SLC41A2: variants seen among roughly 807,000 people sequenced by gnomAD.
SLC41A2 encodes SLC41A1-like 1.
A neutral mutation model predicts 58.3 loss-of-function variants in SLC41A2; 32 were observed. That is an observed-to-expected ratio of 0.55 (90% CI 0.41 to 0.74). SLC41A2 has a LOEUF of 0.74. Ranked by LOEUF, SLC41A2 falls within the 30% of genes least tolerant of loss-of-function variation. SLC41A2 has a pLI of 0.00. For missense variants in SLC41A2, 514 were observed against 680.6 expected, an observed-to-expected ratio of 0.76 and a Z score of 2.72; for synonymous variants, 190 against 235.0, an observed-to-expected ratio of 0.81 and a Z score of 1.75.
At chr12:104,957,519 C>T (rs2048212882) in intron 1 of SLC41A2, among the ~76,000 whole-genome samples, 1 of 152,062 alleles carries the variant, frequency 6.6e-6, no homozygotes, top group Admixed American at 6.6e-5. Context: ...TGATGTATAT[C>T]TCAATTTAAA....
chr12:104,940,337 TA>T (rs1335810245), intron 1 of SLC41A2, among the ~76,000 whole-genome samples: 1 of 77,422 alleles, frequency 1.3e-5, no homozygotes, highest in South Asian at 3.4e-4. Flanking sequence ...TTATTTTTTT[TA>T]AAAAGGCTCA....
intron 1 of SLC41A2, among the ~76,000 whole-genome samples, chr12:104,937,741 G>C (rs1184875900): frequency 1.3e-5 from 2 of 152,142 alleles, no homozygotes; most frequent in East Asian, 3.8e-4. Flanking sequence ...AGAAATGCAG[G>C]ACCTCAGTCA....
rs150399937 is a variant in SLC41A2 at position 104,876,394 on chromosome 12, G to A, written c.1028-9815C>T. On this transcript the variant is annotated intron_variant, in intron 6 of 10. Coordinates refer to ENST00000258538, the MANE Select transcript of SLC41A2 (RefSeq NM_001352171.3). ...TTCTTTCTAAATGCAGGTGTTTATCGCTATAAACTTCCCTCTTAGAACTGC... is the reference window on the plus strand; with the variant it reads ...TTCTTTCTAAATGCAGGTGTTTATCACTATAAACTTCCCTCTTAGAACTGC... Among the ~76,000 whole-genome samples the A allele has an allele frequency of 3.2e-4, 49 of 151,938 alleles. No homozygotes were observed. The East Asian group carries it at 8.1e-3, about 25-fold the overall frequency.
chr12:104,895,143 A>G, intron 4 of SLC41A2, 131 bp downstream of exon 4: 2 of 595,262 alleles, frequency 3.4e-6, no homozygotes, highest in Non-Finnish European at 5.9e-6. Context: ...TCAAGGTACT[A>G]AATTATTGTT....
chr12:104,929,769 TG>T (rs2046985118), intron 1 of SLC41A2, among the ~76,000 whole-genome samples: 1 of 152,232 alleles, frequency 6.6e-6, no homozygotes, highest in African/African-American at 2.4e-5. Context: ...AAGGGATGGG[TG>T]GCCCCAAAAC....
rs1459547230 is a variant in SLC41A2, at chr12:104,804,905, G to C, written c.*247C>G. ...ATATTCTTTCCTAATTAATTTCAGA[G>C]CTGGAACTTATATCTATGTCTATGT... On this transcript the variant is annotated 3_prime_UTR_variant, in exon 11 of 11. Transcript: ENST00000258538. 2 of 281,578 alleles carry C rather than the reference G, an allele frequency of 7.1e-6. No homozygotes were observed. Among genetic ancestry groups the C allele is most frequent in the Non-Finnish European group, 6.6e-6 (1 of 151,442 alleles). 17.4% of individuals were successfully genotyped at this position (281,578 alleles called of 1,614,324 possible). A position where few individuals can be genotyped will look rare whatever the true frequency, so the allele number is the denominator to read the frequency against.
intron 3 of SLC41A2, among the ~76,000 whole-genome samples, chr12:104,909,133 T>C (rs192254586): frequency 3.0e-3 from 464 of 152,344 alleles, no homozygotes; most frequent in Middle Eastern, 6.8e-3. Context: ...AGTTCTTTTT[T>C]AGAATACACA....
In SLC41A2 at chr12:104,912,021, C is replaced by T. The variant is rs185295512; in HGVS notation, c.556-2259G>A. On this transcript the variant is annotated intron_variant, in intron 2 of 10. Coordinates refer to ENST00000258538, the MANE Select transcript of SLC41A2 (RefSeq NM_001352171.3). ...TTAATAATATCTAACATTCACTGAT[C>T]GTTATGTTCCAGGCACTGTTCTTTA... Among the ~76,000 whole-genome samples, 39 of 152,230 alleles carry T rather than the reference C, an allele frequency of 2.6e-4. No individual in the cohort carries two copies. The East Asian group carries it at 6.7e-3, about 26-fold the overall frequency.
At chr12:104,836,272 A>T (rs1368358565) in intron 10 of SLC41A2, among the ~76,000 whole-genome samples, 1 of 152,248 alleles carries the variant, frequency 6.6e-6, no homozygotes, top group African/African-American at 2.4e-5. Context: ...GGAAATGATA[A>T]CAGAACCTTC....
chr12:104,847,105 A>G (rs1436256159), intron 8 of SLC41A2, among the ~76,000 whole-genome samples: 3 of 152,152 alleles, frequency 2.0e-5, no homozygotes, highest in African/African-American at 7.2e-5. Context: ...TATAATTAAT[A>G]AGTTAAAGGA....
chr12:104,955,635 CT>C (rs141198362), intron 1 of SLC41A2, among the ~76,000 whole-genome samples: 6,235 of 151,958 alleles, frequency 0.041, 174 homozygotes, highest in East Asian at 0.11. Context: ...CCTGAATAGA[CT>C]TTTTTTTACC....
intron 1 of SLC41A2, among the ~76,000 whole-genome samples, chr12:104,941,914 A>C (rs2047525633): frequency 6.6e-6 from 1 of 152,234 alleles, no homozygotes; most frequent in Non-Finnish European, 1.5e-5. Context: ...TCAGTCATTT[A>C]ATTTGGAATT....
At chr12:104,853,868 C>T (rs1234572246) in intron 8 of SLC41A2, among the ~76,000 whole-genome samples, 1 of 146,810 alleles carries the variant, frequency 6.8e-6, no homozygotes, top group Non-Finnish European at 1.5e-5. Context: ...CTCAGCCTCC[C>T]AAGTAGATAG....
Position 104,812,572 on chromosome 12 carries a change from T to C in SLC41A2, c.1537-7235A>G, listed in dbSNP as rs185723905. Among the ~76,000 whole-genome samples the C allele has an allele frequency of 4.5e-4, 69 of 152,248 alleles. 2 individuals are homozygous for C. Among genetic ancestry groups the C allele is most frequent in the Admixed American group, 4.2e-3 (64 of 15,286 alleles). ...ATGCACTCAGAAAATATTTCTCCCA[T>C]GTTCTCTTTCTTTGGAACTATCTAG... is the stretch of plus-strand genomic sequence containing the variant. On this transcript the variant is annotated intron_variant, in intron 10 of 10. Transcript: ENST00000258538.
At chr12:104,956,967 G>A (rs1267336663) in intron 1 of SLC41A2, among the ~76,000 whole-genome samples, 2 of 152,186 alleles carry the variant, frequency 1.3e-5, no homozygotes, top group African/African-American at 4.8e-5. Flanking sequence ...TAGTGGGAAA[G>A]TAAAATGGTA....
chr12:104,933,996 G>A (rs1045734502), intron 1 of SLC41A2, among the ~76,000 whole-genome samples: 13 of 151,716 alleles, frequency 8.6e-5, no homozygotes, highest in Admixed American at 2.6e-4. Context: ...TGATGGGTGC[G>A]CTATCCCAGA....
chr12:104,805,665 AAG>A lies in SLC41A2; in HGVS notation c.1537-330_1537-329del, dbSNP rs376191836. 5.4e-4 allele frequency among the ~76,000 whole-genome samples: 83 copies of A among 152,326 alleles called. 1 individual carries two copies. Among genetic ancestry groups the A allele is most frequent in the African/African-American group, 2.0e-3 (82 of 41,588 alleles). ...TTTTCTATGTGATAAACCTGTGAAA[AAG>A]GAAGACATTATGAAGAAGGAAATAA... is the stretch of plus-strand genomic sequence containing the variant. On this transcript the variant is annotated intron_variant, in intron 10 of 10. Transcript: ENST00000258538.
intron 6 of SLC41A2, among the ~76,000 whole-genome samples, chr12:104,876,032 T>C (rs2044025566): frequency 6.6e-6 from 1 of 152,198 alleles, no homozygotes. Context: ...TATATGTTTC[T>C]AAGAATTTAT....
chr12:104,955,289 T>C (rs1418309893), intron 1 of SLC41A2, among the ~76,000 whole-genome samples: 1 of 152,114 alleles, frequency 6.6e-6, no homozygotes, highest in African/African-American at 2.4e-5. Flanking sequence ...GTGCTGGGAT[T>C]ACAAGCATGA....
Sources: allele counts gnomAD v4.1 joint callset (sites outside exome capture counted in the v4.1 genomes callset), GRCh38; gene constraint gnomAD v4.1.1; transcripts MANE v1.5; gene names NCBI Gene and HGNC (gene_info 2026-07-23, HGNC 2026-07-21).